The following HP variants were observed in gnomAD, a reference collection of about 807,000 sequenced individuals.
The protein encoded by HP is haptoglobin, also known as haptoglobin alpha(1S)-beta.
A neutral mutation model predicts 23.2 loss-of-function variants in HP; 9 were observed. The observed-to-expected ratio is 0.39, with a 90% CI of 0.23 to 0.68. The LOEUF (loss-of-function observed/expected upper bound fraction) is 0.68. Ranked by LOEUF, HP falls within the 30% of genes least tolerant of loss-of-function variation. HP has a pLI of 0.47. For missense variants in HP, 433 were observed against 483.6 expected (o/e 0.90, Z 0.98); for synonymous variants, 155 against 183.3 (o/e 0.85, Z 1.25).
chr16:72,059,044 A>G, intron 5 of HP, 70 bp from the exon 6 acceptor site: 1 of 1,424,276 alleles, frequency 7.0e-7, no homozygotes, highest in Non-Finnish European at 9.8e-7. Context: ...TTCTCTTTAA[A>G]TGCCTTCTCA....
At chr16:72,056,087 G>T (rs1461428505) in intron 1 of HP, 74 bp from the exon 2 acceptor site, 3 of 1,532,024 alleles carry the variant, frequency 2.0e-6, no homozygotes, top group Non-Finnish European at 2.7e-6. Context: ...GTACATGCAT[G>T]TGTGTGTGGA....
rs1597408892 is a variant in HP at position 72,056,576 on chromosome 16, G to A, written c.135G>A (p.Glu45=). ...KPPEIAHGYV[E]HSVRYQCKNY... The stretch of plus-strand genomic sequence containing the variant: ...CCGAGATTGCACATGGCTATGTGGA[G>A]CACTCGGTTCGCTACCAGTGTAAGA... The change falls in exon 3 of 7, where the codon GAG becomes GAA. Residue 45 remains glutamate (E), a synonymous_variant. Coordinates refer to ENST00000355906, the MANE Select transcript of HP (RefSeq NM_005143.5). 1 of 1,442,658 alleles carries A rather than the reference G, an allele frequency of 6.9e-7. No homozygotes were observed. Among genetic ancestry groups the A allele is most frequent in the East Asian group, 2.5e-5 (1 of 39,864 alleles). 89.4% of individuals were successfully genotyped at this position (1,442,658 alleles called of 1,614,324 possible). A position where few individuals can be genotyped will look rare whatever the true frequency, so the allele number is the denominator to read the frequency against.
chr16:72,055,011 TAAC>T, intron 1 of HP: 1 of 455,218 alleles, frequency 2.2e-6, no homozygotes. Context: ...AGACTAATAG[TAAC>T]ACATTTGAAT....
chr16:72,059,989 G>T (rs2041515307), intron 6 of HP, 123 bp from the exon 7 acceptor site: 4 of 1,527,034 alleles, frequency 2.6e-6, no homozygotes, highest in East Asian at 4.9e-5. Flanking sequence ...CAGGTGGTAA[G>T]GGCAAAGCAT....
Position 72,056,220 on chromosome 16 carries a change from G to T in HP, c.65G>T (p.Gly22Val), listed in dbSNP as rs2041459872. The change falls in exon 2 of 7, where the codon GGC becomes GTC. Residue 22 changes from glycine to valine, a missense_variant. Physicochemically the swap from Gly to Val is moderately radical, Grantham distance 109 (BLOSUM62 -3). Coordinates refer to ENST00000355906, the MANE Select transcript of HP (RefSeq NM_005143.5). ...GGACAGCTTTTTGCAGTGGACTCAG[G>T]CAATGATGTCACGGATATCGCAGGT... ...LWGQLFAVDS[G>V]NDVTDIADDG... The T allele has an allele frequency of 6.2e-7, 1 of 1,613,922 alleles. No homozygotes were observed. Among genetic ancestry groups the T allele is most frequent in the African/African-American group, 1.3e-5 (1 of 74,912 alleles).
chr16:72,057,415 A>C lies in HP; in HGVS notation c.214A>C (p.Lys72Gln). 1 of 1,078,752 alleles carries C rather than the reference A, an allele frequency of 9.3e-7. No individual in the cohort carries two copies. Among genetic ancestry groups the C allele is most frequent in the East Asian group, 2.8e-5 (1 of 35,844 alleles). 66.8% of individuals were successfully genotyped at this position (1,078,752 alleles called of 1,614,324 possible). A position where few individuals can be genotyped will look rare whatever the true frequency, so the allele number is the denominator to read the frequency against. ...AGGAGTATACACCTTAAATGATAAG[A>C]AGCAGTGGATAAATAAGGCTGTTGG... Reference protein sequence around the residue: ...GDGVYTLNDKKQWINKAVGDK... With the variant: ...GDGVYTLNDKQQWINKAVGDK... The change falls in exon 4 of 7, where the codon AAG (lysine) becomes CAG (glutamine). Residue 72 changes from lysine to glutamine, a missense_variant. Physicochemically the swap from Lys to Gln is moderately conservative, Grantham distance 53. This residue lies in a region of HP where 36 missense variants were observed against 71.3 expected (regional missense o/e 0.50). Coordinates refer to ENST00000355906, the MANE Select transcript of HP (RefSeq NM_005143.5).
At chr16:72,059,717 G>A (rs992283429) in intron 6 of HP, 2 of 322,120 alleles carry the variant, frequency 6.2e-6, no homozygotes, top group African/African-American at 4.3e-5. Flanking sequence ...CTGAGCTCCA[G>A]CCAGTGCTGC....
At chr16:72,056,020 C>G (rs749613283) in intron 1 of HP, 141 bp from the exon 2 acceptor site, 1 of 1,399,900 alleles carries the variant, frequency 7.1e-7, no homozygotes, top group Non-Finnish European at 9.9e-7. Context: ...TATCGACTTT[C>G]TTTTCTGGCT....
chr16:72,060,042 T>C (rs2041516310), intron 6 of HP, 70 bp from the exon 7 acceptor site: 1 of 1,595,528 alleles, frequency 6.3e-7, no homozygotes, highest in East Asian at 2.3e-5. Flanking sequence ...CCGCCCATGC[T>C]TTCACCCCTT....
chr16:72,055,993 G>C, intron 1 of HP, 168 bp from the exon 2 acceptor site: 2 of 1,227,162 alleles, frequency 1.6e-6, no homozygotes, highest in Non-Finnish European at 2.3e-6. Flanking sequence ...CAATTTCTTG[G>C]TCCTAGCACT....
At position 72,060,311 on chromosome 16, in the gene HP, G is replaced by A. The variant is rs763139166; in HGVS notation, c.642G>A (p.Ala214=). ...LFLNHSENAT[A]KDIAPTLTLY... ...TGAACCATTCAGAAAATGCAACAGC[G>A]AAAGACATTGCCCCTACTTTAACAC... The change falls in exon 7 of 7, where the codon GCG becomes GCA. Residue 214 remains alanine, a synonymous_variant. Coordinates refer to ENST00000355906, the MANE Select transcript of HP (RefSeq NM_005143.5). 64 of 1,614,076 alleles carry A rather than the reference G, an allele frequency of 4.0e-5. No individual in the cohort carries two copies. The highest frequency in any genetic ancestry group is 5.0e-5 in the Non-Finnish European group (59 of 1,180,014).
At position 72,054,900 on chromosome 16, in the gene HP, T is replaced by C. The variant is rs569985300; in HGVS notation, c.5+243T>C. 12 of 814,136 alleles carry C rather than the reference T, an allele frequency of 1.5e-5. No individual in the cohort carries two copies. The African/African-American group carries it at 2.1e-4, about 14-fold the overall frequency. The allele number at this position is 814,136 out of a possible 1,614,324, so 50.4% of individuals were successfully genotyped here. ...GTCTTTTTCCTTCAGGTTACATTTT[T>C]GACTTTATAGGGTATGTCATCAGCT... On this transcript the variant is annotated intron_variant, in intron 1 of 6. Transcript: ENST00000355906.
chr16:72,059,268 C>T, intron 6 of HP, 80 bp downstream of exon 6: 2 of 1,526,482 alleles, frequency 1.3e-6, no homozygotes, highest in Non-Finnish European at 1.8e-6. Flanking sequence ...GTGCGGCTTC[C>T]TCTGAGCACA....
Position 72,060,709 on chromosome 16 carries a change from A to G in HP, c.1040A>G (p.Gln347Arg). 2 of 1,614,164 alleles carry G rather than the reference A, an allele frequency of 1.2e-6. No individual in the cohort carries two copies. The highest frequency in any genetic ancestry group is 1.7e-6 in the Non-Finnish European group (2 of 1,180,038). The change falls in exon 7 of 7, where the codon CAA becomes CGA. Residue 347 changes from glutamine (Q) to arginine (R), a missense_variant. By Grantham distance (43) the Gln-to-Arg change is conservative (BLOSUM62 1). Transcript: ENST00000355906. Reference protein sequence around the residue: ...HTFCAGMSKYQEDTCYGDAGS... With the variant: ...HTFCAGMSKYREDTCYGDAGS... ...TTCTGTGCTGGCATGTCTAAGTACC[A>G]AGAAGACACCTGCTATGGCGATGCG...
At position 72,054,522 on chromosome 16, in the gene HP, C is replaced by G. The variant is rs5470; in HGVS notation, c.-131C>G. 7.1e-3 allele frequency: 11,046 copies of G among 1,560,710 alleles called. 612 individuals are homozygous for G. The African/African-American group carries it at 0.13, about 19-fold the overall frequency. Reference sequence around the variant, plus strand: ...GTTTTGTTACTGGAAAAGATAGTGACCTTACCAGGGCCAAAGTTTGTAGAC... The same window carrying G: ...GTTTTGTTACTGGAAAAGATAGTGAGCTTACCAGGGCCAAAGTTTGTAGAC... On this transcript the variant is annotated 5_prime_UTR_variant, in exon 1 of 7. Coordinates refer to ENST00000355906, the MANE Select transcript of HP (RefSeq NM_005143.5).
Position 72,058,296 on chromosome 16 carries a change from TGGA to T in HP, c.310_312del (p.Glu104del). ...CCCCCCGAGATTGCACATGGCTATG[TGGA>T]GCACTCGGTTCGCTACCAGTGTAAG... is the stretch of plus-strand genomic sequence containing the variant. On this transcript the variant is annotated inframe_deletion, in exon 5 of 7. Transcript: ENST00000355906. 1 of 880,480 alleles carries T rather than the reference TGGA, an allele frequency of 1.1e-6. No individual in the cohort carries two copies. Among genetic ancestry groups the T allele is most frequent in the African/African-American group, 3.6e-5 (1 of 27,846 alleles). 54.5% of individuals were successfully genotyped at this position (880,480 alleles called of 1,614,324 possible).
In HP at chr16:72,054,558, C is replaced by T. The variant is rs907724226; in HGVS notation, c.-95C>T. ...CCAAAGTTTGTAGACACAGGAATTA[C>T]GAAATGGAGAAGGGGGAGAAGTGAG... On this transcript the variant is annotated 5_prime_UTR_variant, in exon 1 of 7. In the 5' UTR this introduces an upstream ATG that the reference lacks. Transcript: ENST00000355906. 1.6e-5 allele frequency: 26 copies of T among 1,580,970 alleles called. No individual in the cohort carries two copies. Among genetic ancestry groups the T allele is most frequent in the African/African-American group, 5.4e-5 (4 of 74,096 alleles).
rs1357665247 is a variant in HP, at chr16:72,060,225, AC to A, written c.558del (p.Thr187GlnfsTer5). On this transcript the variant is annotated frameshift_variant, in exon 7 of 7. Coordinates refer to ENST00000355906, the MANE Select transcript of HP (RefSeq NM_005143.5). LOFTEE classifies it low-confidence loss of function (END_TRUNC). ...QAKMVSHHNL[T>X]TGATLINEQW... ...TAAGATGGTTTCCCACCATAATCTC[AC>A]CACAGGTGCCACGCTGATCAATGAA... is the stretch of plus-strand genomic sequence containing the variant. 6.2e-7 allele frequency: 1 copy of A among 1,614,132 alleles called. No individual in the cohort carries two copies. Among genetic ancestry groups the A allele is most frequent in the East Asian group, 2.2e-5 (1 of 44,836 alleles).
intron 4 of HP, 153 bp from the exon 5 acceptor site, chr16:72,058,101 T>A: frequency 1.0e-6 from 1 of 977,524 alleles, no homozygotes; most frequent in South Asian, 1.4e-5. Flanking sequence ...ATTCCTTTAT[T>A]GGGATAATTG....
Sources: allele counts gnomAD v4.1 joint callset, GRCh38; gene constraint gnomAD v4.1.1; regional missense constraint gnomAD v4.1.1; transcripts MANE v1.5; gene names NCBI Gene and HGNC (gene_info 2026-07-23, HGNC 2026-07-21).